Variants in PTPRD observed in about 807,000 individuals in gnomAD.
PTPRD encodes the protein protein tyrosine phosphatase receptor type D.
A neutral mutation model predicts 214.5 loss-of-function variants in PTPRD; 34 were observed. That is an observed-to-expected ratio of 0.16 (90% CI 0.12 to 0.21). The LOEUF (loss-of-function observed/expected upper bound fraction) is 0.21, where lower values mean the gene tolerates loss of function less well. Among genes scored for constraint, PTPRD ranks in the 10% least tolerant of loss-of-function variants. The pLI is 1.00. For synonymous variants in PTPRD, 1,128 were observed against 845.7 expected, an observed-to-expected ratio of 1.33 and a Z score of -5.79; for missense variants, 2,545 against 2,398.7, an observed-to-expected ratio of 1.06 and a Z score of -1.27.
intron 5 of PTPRD, among the ~76,000 whole-genome samples, chr9:9,850,888 T>C (rs1253218366): frequency 6.6e-6 from 1 of 152,176 alleles, no homozygotes; most frequent in African/African-American, 2.4e-5. Flanking sequence ...TCTATGAATT[T>C]GACCTTTTCT....
At chr9:10,112,181 G>T (rs1237934234) in intron 3 of PTPRD, among the ~76,000 whole-genome samples, 1 of 152,194 alleles carries the variant, frequency 6.6e-6, no homozygotes, top group East Asian at 1.9e-4. Flanking sequence ...GGAATGGTCA[G>T]TTGTGAGGGC....
chr9:8,382,014 A>C (rs1352190725), intron 37 of PTPRD, among the ~76,000 whole-genome samples: 3 of 152,116 alleles, frequency 2.0e-5, no homozygotes, highest in Non-Finnish European at 4.4e-5. Flanking sequence ...CCTGAGGATC[A>C]CCTGGGTGCC....
chr9:8,522,036 G>T (rs79997625), intron 19 of PTPRD, among the ~76,000 whole-genome samples: 3 of 152,088 alleles, frequency 2.0e-5, no homozygotes, highest in Admixed American at 2.0e-4. Context: ...TCCCAGCCCT[G>T]GAAAACATCA....
chr9:9,441,037 C>T lies in PTPRD; in HGVS notation c.-236-43555G>A, dbSNP rs1382516336. ...TGAAATGTCCTGTGAGACTTCCCCT[C>T]ATTGGGCCAAAATGGCTGGGTCTTT... is the stretch of plus-strand genomic sequence containing the variant. On this transcript the variant is annotated intron_variant, in intron 8 of 45. Coordinates refer to ENST00000381196, the MANE Select transcript of PTPRD (RefSeq NM_002839.4). Among the ~76,000 whole-genome samples the T allele has an allele frequency of 5.9e-5, 9 of 152,336 alleles. No individual in the cohort carries two copies. The East Asian group carries it at 1.7e-3, about 29-fold the overall frequency.
chr9:8,633,126 T>C (rs968308346), intron 14 of PTPRD, among the ~76,000 whole-genome samples, 191 bp downstream of exon 14: 3 of 151,984 alleles, frequency 2.0e-5, no homozygotes, highest in African/African-American at 7.2e-5. Context: ...ATATTCCCCC[T>C]GAACTCTAGT....
intron 3 of PTPRD, among the ~76,000 whole-genome samples, chr9:10,251,767 C>T (rs1292377528): frequency 6.6e-6 from 1 of 152,062 alleles, no homozygotes; most frequent in Non-Finnish European, 1.5e-5. Flanking sequence ...GACCTTGCAA[C>T]TTCTCCATAA....
chr9:9,965,179 G>C (rs532545141), intron 4 of PTPRD, among the ~76,000 whole-genome samples: 96 of 152,252 alleles, frequency 6.3e-4, no homozygotes, highest in Non-Finnish European at 1.0e-3. Context: ...AAGAATATTA[G>C]TTCTGGGAAT....
intron 2 of PTPRD, among the ~76,000 whole-genome samples, chr9:10,371,721 T>C (rs1314180298): frequency 6.6e-6 from 1 of 152,026 alleles, no homozygotes; most frequent in Non-Finnish European, 1.5e-5. Flanking sequence ...CATTTGGAAA[T>C]ATAGCATAAA....
intron 30 of PTPRD, among the ~76,000 whole-genome samples, chr9:8,478,726 C>G (rs1013087073): frequency 6.6e-6 from 1 of 152,164 alleles, no homozygotes; most frequent in African/African-American, 2.4e-5. Flanking sequence ...AAGGCTGTTA[C>G]AAAAGAAATT....
chr9:8,836,942 C>T (rs758960918), intron 11 of PTPRD, among the ~76,000 whole-genome samples: 2 of 151,836 alleles, frequency 1.3e-5, no homozygotes, highest in Non-Finnish European at 2.9e-5. Context: ...AGCTAACCCC[C>T]CAATACCTAC....
chr9:10,449,555 A>C (rs1193101112), intron 2 of PTPRD, among the ~76,000 whole-genome samples: 1 of 150,180 alleles, frequency 6.7e-6, no homozygotes, highest in Non-Finnish European at 1.5e-5. Flanking sequence ...GGAAGTGAGG[A>C]GCGTCTCTGC....
chr9:10,518,741 C>A (rs1325252302), intron 2 of PTPRD, among the ~76,000 whole-genome samples: 1 of 151,984 alleles, frequency 6.6e-6, no homozygotes, highest in African/African-American at 2.4e-5. Flanking sequence ...ACCGTGTTAG[C>A]CAAGATGGTC....
At chr9:8,833,723 C>A (rs1280244188) in intron 11 of PTPRD, among the ~76,000 whole-genome samples, 1 of 146,712 alleles carries the variant, frequency 6.8e-6, no homozygotes, top group Non-Finnish European at 1.5e-5. Context: ...TATACACACA[C>A]ACACACACAC....
At chr9:8,473,902 G>A (rs1396458804) in intron 30 of PTPRD, among the ~76,000 whole-genome samples, 1 of 152,180 alleles carries the variant, frequency 6.6e-6, no homozygotes, top group Non-Finnish European at 1.5e-5. Context: ...AAGAAATAGG[G>A]CAGTGGCAAT....
At chr9:9,008,086 T>C (rs1298533538) in intron 11 of PTPRD, among the ~76,000 whole-genome samples, 1 of 147,526 alleles carries the variant, frequency 6.8e-6, no homozygotes, top group Admixed American at 6.9e-5. Context: ...TAAAGAAAGA[T>C]GACAAGATGG....
chr9:9,883,613 C>G (rs778957416), intron 5 of PTPRD, among the ~76,000 whole-genome samples: 15 of 152,142 alleles, frequency 9.9e-5, no homozygotes, highest in Non-Finnish European at 1.6e-4. Context: ...AATCATATAT[C>G]TGCTCTTTCA....
At chr9:10,263,662 A>T (rs1239952916) in intron 3 of PTPRD, among the ~76,000 whole-genome samples, 1 of 152,170 alleles carries the variant, frequency 6.6e-6, no homozygotes, top group African/African-American at 2.4e-5. Flanking sequence ...GAAAATTTGC[A>T]GCCTGACAAT....
chr9:9,793,893 T>C (rs1353627197), intron 5 of PTPRD, among the ~76,000 whole-genome samples: 1 of 152,060 alleles, frequency 6.6e-6, no homozygotes, highest in Non-Finnish European at 1.5e-5. Context: ...TGTATGGTAC[T>C]GGAAATAGTT....
chr9:10,435,866 C>T (rs1412732025), intron 2 of PTPRD, among the ~76,000 whole-genome samples: 1 of 151,780 alleles, frequency 6.6e-6, no homozygotes, highest in Admixed American at 6.6e-5. Flanking sequence ...TTTCCAGTGG[C>T]TTATGGCCCA....
Sources: allele counts gnomAD v4.1 joint callset (sites outside exome capture counted in the v4.1 genomes callset), GRCh38; gene constraint gnomAD v4.1.1; transcripts MANE v1.5; gene names NCBI Gene and HGNC (gene_info 2026-07-23, HGNC 2026-07-21).